ANO3: variants seen among roughly 807,000 people sequenced by gnomAD.
ANO3 encodes anoctamin 3.
A neutral mutation model predicts 144.8 loss-of-function variants in ANO3; 99 were observed. The ratio of observed to expected loss-of-function variants is 0.68; its 90% CI spans 0.58 to 0.81. The LOEUF is 0.81. ANO3 is among the 30% of genes least tolerant of loss of function. The pLI, the probability that ANO3 is intolerant of heterozygous loss-of-function variation, is 0.00. For synonymous variants in ANO3, 414 were observed against 392.6 expected (o/e 1.05, Z -0.64); for missense variants, 905 against 1,202.2 (o/e 0.75, Z 3.66).
chr11:26,533,881 C>T (rs1238511592), intron 8 of ANO3, among the ~76,000 whole-genome samples: 1 of 152,186 alleles, frequency 6.6e-6, no homozygotes. Flanking sequence ...AGAAGTTGAG[C>T]AAGACCCAGG....
At chr11:26,584,521 T>C (rs572007696) in intron 14 of ANO3, among the ~76,000 whole-genome samples, 1 of 152,320 alleles carries the variant, frequency 6.6e-6, no homozygotes, top group Admixed American at 6.5e-5. Context: ...AGGAGTTACA[T>C]TATGACTGGA....
intron 22 of ANO3, 45 bp downstream of exon 22, chr11:26,642,074 A>G (rs779793672): frequency 2.5e-6 from 4 of 1,582,724 alleles, no homozygotes; most frequent in Middle Eastern, 1.7e-4. Context: ...TCTTGATACA[A>G]TTTTTCTACT....
At chr11:26,506,793 G>T (rs1350414507) in intron 4 of ANO3, among the ~76,000 whole-genome samples, 1 of 152,146 alleles carries the variant, frequency 6.6e-6, no homozygotes, top group Non-Finnish European at 1.5e-5. Flanking sequence ...CTCTTTCTTG[G>T]ATATTCTTTC....
intron 22 of ANO3, 67 bp from the exon 23 acceptor site, chr11:26,643,115 A>C (rs1853223428): frequency 6.7e-7 from 1 of 1,483,616 alleles, no homozygotes; most frequent in Admixed American, 1.8e-5. Context: ...AAAGCAATTT[A>C]TATAAAGCAC....
At chr11:26,328,838 A>G (rs1320474656), upstream of ANO3, among the ~76,000 whole-genome samples, 1 of 152,222 alleles carries the variant, frequency 6.6e-6, no homozygotes, top group Non-Finnish European at 1.5e-5. Context: ...CATATCATTG[A>G]TAAAGTATGA....
At chr11:26,509,428 T>G (rs937169891) in intron 5 of ANO3, among the ~76,000 whole-genome samples, 3 of 152,030 alleles carry the variant, frequency 2.0e-5, no homozygotes, top group Non-Finnish European at 4.4e-5. Flanking sequence ...CAATTCTGCC[T>G]CAGCCTCCCA....
At chr11:26,532,839 T>C (rs796344894) in intron 8 of ANO3, among the ~76,000 whole-genome samples, 7 of 152,320 alleles carry the variant, frequency 4.6e-5, no homozygotes, top group African/African-American at 1.7e-4. Context: ...TATCCCAGTA[T>C]ACAGTTTTCA....
At chr11:26,364,126 A>G (rs570368206) in intron 1 of ANO3, among the ~76,000 whole-genome samples, 12 of 152,224 alleles carry the variant, frequency 7.9e-5, no homozygotes, top group Non-Finnish European at 1.3e-4. Flanking sequence ...ATCATAGTAG[A>G]TGCCACTGAC....
At chr11:26,463,744 A>G (rs1859500169) in intron 4 of ANO3, among the ~76,000 whole-genome samples, 1 of 151,934 alleles carries the variant, frequency 6.6e-6, no homozygotes, top group Non-Finnish European at 1.5e-5. Context: ...TCCCTCAAAC[A>G]AAATGCTTTC....
Position 26,322,205 on chromosome 11 carries a change from T to C in ANO3, c.-3+12486T>C, listed in dbSNP as rs116768965. 3.3e-3 allele frequency among the ~76,000 whole-genome samples: 508 copies of C among 152,174 alleles called. 2 individuals are homozygous for C. The highest frequency in any genetic ancestry group is 0.012 in the African/African-American group (485 of 41,548). ...TACTTGAATATAATTGAAGACCTGA[T>C]TTTTTACTAATATACTCATTTTTAA... On this transcript the variant is annotated intron_variant, in intron 1 of 26. Transcript: ENST00000525139.
intron 1 of ANO3, among the ~76,000 whole-genome samples, chr11:26,438,603 A>T (rs1858383004): frequency 2.4e-5 from 3 of 126,590 alleles, no homozygotes; most frequent in Admixed American, 1.6e-4. Context: ...AAAAAAAAAA[A>T]AAAAAGAAAA....
intron 1 of ANO3, among the ~76,000 whole-genome samples, chr11:26,243,294 T>TCA (rs1399412279): frequency 6.6e-6 from 1 of 152,108 alleles, no homozygotes; most frequent in Non-Finnish European, 1.5e-5. Flanking sequence ...CCTCTCTCTC[T>TCA]CACTCTCATT....
chr11:26,595,460 GTTTTTT>G (rs201712393), intron 14 of ANO3, among the ~76,000 whole-genome samples: 5 of 101,386 alleles, frequency 4.9e-5, no homozygotes, highest in East Asian at 3.0e-4. Flanking sequence ...AGATAGAGTT[GTTTTTT>G]TTTTTTTTTT....
chr11:26,608,268 A>T (rs10835013), intron 17 of ANO3, among the ~76,000 whole-genome samples: 1 of 151,824 alleles, frequency 6.6e-6, no homozygotes, highest in African/African-American at 2.4e-5. Flanking sequence ...ATGCCTGTAG[A>T]TGTCACACAA....
Position 26,344,954 on chromosome 11 carries a change from TTTTAC to T in ANO3, c.46+12634_46+12638del, listed in dbSNP as rs781762215. Among the ~76,000 whole-genome samples, 14 of 83,626 alleles carry T rather than the reference TTTTAC, an allele frequency of 1.7e-4. No individual in the cohort carries two copies. The South Asian group carries it at 3.0e-3, about 18-fold the overall frequency. 54.9% of individuals were successfully genotyped at this position (83,626 alleles called of 152,430 possible). A position where few individuals can be genotyped will look rare whatever the true frequency, so the allele number is the denominator to read the frequency against. Reference sequence around the variant, plus strand: ...TTAATTCATGTTTTATAAAACTTACTTTTACATGCTCTAAAGAAACACTATAATGA... The same window carrying T: ...TTAATTCATGTTTTATAAAACTTACTATGCTCTAAAGAAACACTATAATGA... On this transcript the variant is annotated intron_variant, in intron 1 of 26. Transcript: ENST00000256737.
intron 23 of ANO3, among the ~76,000 whole-genome samples, chr11:26,646,174 T>G (rs1853339591): frequency 6.6e-6 from 1 of 152,176 alleles, no homozygotes. Context: ...TGTAGAATTC[T>G]GCATTGTTTT....
At chr11:26,263,372 T>C (rs1241055284) in intron 1 of ANO3, among the ~76,000 whole-genome samples, 2 of 152,186 alleles carry the variant, frequency 1.3e-5, no homozygotes, top group Non-Finnish European at 2.9e-5. Flanking sequence ...CATCTTTCCC[T>C]CAGTTCAGGT....
At chr11:26,305,008 G>T (rs1055956854), upstream of ANO3, among the ~76,000 whole-genome samples, 2 of 151,636 alleles carry the variant, frequency 1.3e-5, no homozygotes, top group African/African-American at 4.8e-5. Context: ...CTTGAAAACT[G>T]CTTTTTTTTA....
chr11:26,489,658 A>G (rs1254053924), intron 4 of ANO3, among the ~76,000 whole-genome samples: 1 of 152,234 alleles, frequency 6.6e-6, no homozygotes, highest in African/African-American at 2.4e-5. Context: ...CCAAGACTGT[A>G]GGAACCTACC....
Sources: gnomAD v4.1 joint callset for allele counts (sites outside exome capture counted in the v4.1 genomes callset) on GRCh38, gnomAD v4.1.1 for gene constraint, MANE v1.5 for transcripts, NCBI Gene and HGNC (gene_info 2026-07-23, HGNC 2026-07-21) for gene names.